ANKMY2: variants seen among roughly 807,000 people sequenced by gnomAD.
The protein encoded by ANKMY2 is ankyrin repeat and MYND domain-containing protein 2.
A neutral mutation model predicts 50.4 loss-of-function variants in ANKMY2; 36 were observed. The observed-to-expected ratio is 0.71, with a 90% CI of 0.55 to 0.94. The LOEUF is 0.94. Ranked by LOEUF, ANKMY2 falls within the 40% of genes least tolerant of loss-of-function variation. The pLI is 0.00. For missense variants in ANKMY2, 565 were observed against 524.0 expected, an observed-to-expected ratio of 1.08 and a Z score of -0.76; for synonymous variants, 187 against 178.8, an observed-to-expected ratio of 1.05 and a Z score of -0.36.
chr7:16,642,039 T>C (rs1781753070), intron 1 of ANKMY2, among the ~76,000 whole-genome samples: 2 of 106,246 alleles, frequency 1.9e-5, no homozygotes, highest in African/African-American at 7.6e-5. Context: ...ACCTGTAATA[T>C]GTGCAATTTA....
In ANKMY2 at chr7:16,604,780, C is replaced by T; in HGVS notation, c.952G>A (p.Glu318Lys). ...TTTTCTCCACAGGTAGTGCAAAATT[C>T]CACATCCACAAAACCCACCTGGCCA... is the stretch of plus-strand genomic sequence containing the variant. ...ITGQVGFVDVEFCTTCGEKGA... is the reference protein window; with the variant it reads ...ITGQVGFVDVKFCTTCGEKGA... The change falls in exon 8 of 10, where the codon GAA becomes AAA. Residue 318 changes from glutamate to lysine, a missense_variant. By Grantham distance (56) the Glu-to-Lys change is moderately conservative. Transcript: ENST00000306999. 1 of 1,614,098 alleles carries T rather than the reference C, an allele frequency of 6.2e-7. No homozygotes were observed. Among genetic ancestry groups the T allele is most frequent in the Non-Finnish European group, 8.5e-7 (1 of 1,179,988 alleles).
chr7:16,609,808 A>C (rs777839949), intron 6 of ANKMY2, 43 bp from the exon 7 acceptor site: 1 of 1,599,202 alleles, frequency 6.3e-7, no homozygotes, highest in South Asian at 1.1e-5. Flanking sequence ...TGAATCACTA[A>C]GCATTCTCTC....
Position 16,600,872 on chromosome 7 carries a change from C to T in ANKMY2, c.1215G>A (p.Lys405=). 7 of 1,612,996 alleles carry T rather than the reference C, an allele frequency of 4.3e-6. No individual in the cohort carries two copies. The highest frequency in any genetic ancestry group is 5.9e-6 in the Non-Finnish European group (7 of 1,179,498). Residue 405 remains lysine, a synonymous_variant, in exon 10 of 10, where the codon AAG becomes AAA. Transcript: ENST00000306999. ...CCCCGGAATCTTCAGGATTGGAATCCTTTTGAGAGATACCTACTTCAGCCT... is the reference window on the plus strand; with the variant it reads ...CCCCGGAATCTTCAGGATTGGAATCTTTTTGAGAGATACCTACTTCAGCCT... ...QPEAEVGISQ[K]DSNPEDSGEG...
intron 5 of ANKMY2, among the ~76,000 whole-genome samples, chr7:16,614,598 T>C (rs968612240): frequency 1.3e-5 from 2 of 152,222 alleles, no homozygotes; most frequent in African/African-American, 4.8e-5. Context: ...AATAAGATTA[T>C]ACACATTTTG....
intron 2 of ANKMY2, among the ~76,000 whole-genome samples, chr7:16,636,121 A>G (rs1781655176): frequency 6.6e-6 from 1 of 151,756 alleles, no homozygotes; most frequent in African/African-American, 2.4e-5. Flanking sequence ...AGGTGAATAT[A>G]GTGAAACCCT....
At chr7:16,641,839 G>C (rs2128347119) in intron 1 of ANKMY2, among the ~76,000 whole-genome samples, 1 of 152,242 alleles carries the variant, frequency 6.6e-6, no homozygotes, top group Middle Eastern at 3.4e-3. Flanking sequence ...TAAAATTCTA[G>C]AATAGAGAAA....
intron 2 of ANKMY2, among the ~76,000 whole-genome samples, chr7:16,635,386 T>C (rs1781643894): frequency 6.6e-6 from 1 of 152,138 alleles, no homozygotes; most frequent in African/African-American, 2.4e-5. Context: ...CAAAGGGGTA[T>C]GAGGAAATCT....
rs1012239449 is a variant in ANKMY2 at position 16,645,699 on chromosome 7, G to T, written c.-126C>A. The T allele has an allele frequency of 9.5e-7, 1 of 1,056,146 alleles. No homozygotes were observed. The highest frequency in any genetic ancestry group is 1.7e-5 in the African/African-American group (1 of 59,840). 65.4% of individuals were successfully genotyped at this position (1,056,146 alleles called of 1,614,324 possible). A position where few individuals can be genotyped will look rare whatever the true frequency, so the allele number is the denominator to read the frequency against. On this transcript the variant is annotated 5_prime_UTR_variant, in exon 1 of 10. Transcript: ENST00000306999. ...ACCAAGACACTGAGTAGCCAACCGC[G>T]GAAACGCTTCGCTTCTCTCCTCCCT... is the stretch of plus-strand genomic sequence containing the variant.
chr7:16,628,303 T>C (rs1303372537), intron 2 of ANKMY2, among the ~76,000 whole-genome samples: 1 of 152,198 alleles, frequency 6.6e-6, no homozygotes, highest in Non-Finnish European at 1.5e-5. Context: ...ACGTAAGCCA[T>C]CATCTTGTTA....
chr7:16,631,619 T>A (rs1013959778), intron 2 of ANKMY2, among the ~76,000 whole-genome samples: 3 of 144,072 alleles, frequency 2.1e-5, no homozygotes, highest in Middle Eastern at 3.6e-3. Context: ...GTTTTTCTAC[T>A]TTTTTTTTTT....
At chr7:16,643,234 T>C (rs1206219658) in intron 1 of ANKMY2, among the ~76,000 whole-genome samples, 1 of 152,214 alleles carries the variant, frequency 6.6e-6, no homozygotes, top group African/African-American at 2.4e-5. Flanking sequence ...AAACCAGACC[T>C]GCATGGTTAA....
chr7:16,620,842 G>A (rs998786316), intron 4 of ANKMY2, among the ~76,000 whole-genome samples: 23 of 151,994 alleles, frequency 1.5e-4, no homozygotes, highest in Non-Finnish European at 2.9e-5. Flanking sequence ...AATAACAGAT[G>A]AGCAAACAGA....
chr7:16,608,865 G>A (rs933378750), intron 7 of ANKMY2, among the ~76,000 whole-genome samples: 2 of 152,050 alleles, frequency 1.3e-5, no homozygotes, highest in Non-Finnish European at 2.9e-5. Flanking sequence ...GCTGGGCGTG[G>A]TGGCGCGCAC....
At chr7:16,632,361 TC>T (rs1317592471) in intron 2 of ANKMY2, among the ~76,000 whole-genome samples, 1 of 152,150 alleles carries the variant, frequency 6.6e-6, no homozygotes, top group African/African-American at 2.4e-5. Flanking sequence ...ATTTTCATAA[TC>T]CCTGAAAGAA....
Position 16,641,801 on chromosome 7 carries a change from G to A in ANKMY2, c.67+3706C>T, listed in dbSNP as rs543774227. On this transcript the variant is annotated intron_variant, in intron 1 of 9. Coordinates refer to ENST00000306999, the MANE Select transcript of ANKMY2 (RefSeq NM_020319.3). ...AGAAGCCAGCCCCCCCTCAAAAAAA[G>A]GATACTTATTGTATGATTCTACTAA... is the stretch of plus-strand genomic sequence containing the variant. 3.3e-3 allele frequency among the ~76,000 whole-genome samples: 509 copies of A among 152,202 alleles called. 1 individual carries two copies. Among genetic ancestry groups the A allele is most frequent in the Non-Finnish European group, 5.4e-3 (366 of 68,008 alleles).
intron 2 of ANKMY2, among the ~76,000 whole-genome samples, chr7:16,630,249 C>T (rs1781564121): frequency 6.6e-6 from 1 of 152,110 alleles, no homozygotes; most frequent in African/African-American, 2.4e-5. Context: ...TTTAAAATCT[C>T]CAGAATTTTC....
intron 9 of ANKMY2, among the ~76,000 whole-genome samples, chr7:16,601,267 A>G (rs1270839798): frequency 6.6e-6 from 1 of 152,196 alleles, no homozygotes; most frequent in East Asian, 1.9e-4. Context: ...AATTTATTTG[A>G]TGTCCTTGGA....
intron 4 of ANKMY2, among the ~76,000 whole-genome samples, chr7:16,622,377 T>C (rs1377299718): frequency 2.0e-5 from 3 of 152,178 alleles, no homozygotes; most frequent in African/African-American, 7.2e-5. Flanking sequence ...CAAAGAATGG[T>C]AATACTCAGC....
chr7:16,634,629 A>G (rs1438065508), intron 2 of ANKMY2, among the ~76,000 whole-genome samples: 1 of 152,190 alleles, frequency 6.6e-6, no homozygotes, highest in Non-Finnish European at 1.5e-5. Flanking sequence ...GCAAATAACT[A>G]GCTGACAGCA....
Sources: allele counts gnomAD v4.1 joint callset (sites outside exome capture counted in the v4.1 genomes callset), GRCh38; gene constraint gnomAD v4.1.1; transcripts MANE v1.5; gene names NCBI Gene and HGNC (gene_info 2026-07-23, HGNC 2026-07-21).